The following KRT8 variants were observed in gnomAD, a reference collection of about 807,000 sequenced individuals.
KRT8 encodes the protein keratin, type II cytoskeletal 8.
A neutral mutation model predicts 43.0 loss-of-function variants in KRT8; 24 were observed. The observed-to-expected ratio is 0.56, with a 90% CI of 0.40 to 0.78. The LOEUF is 0.78. Among genes scored for constraint, KRT8 ranks in the 30% least tolerant of loss-of-function variants. The pLI is 0.00. For missense variants in KRT8, 492 were observed against 638.4 expected, an observed-to-expected ratio of 0.77 and a Z score of 2.47; for synonymous variants, 214 against 261.2, an observed-to-expected ratio of 0.82 and a Z score of 1.74.
chr12:52,907,012 A>ACACC (rs1555187345), upstream of KRT8: 73 of 259,380 alleles, frequency 2.8e-4, no homozygotes, highest in East Asian at 1.6e-3. Context: ...ACACACACAC[A>ACACC]CCCCACACAT....
chr12:52,910,871 G>C (rs1306815828), upstream of KRT8, among the ~76,000 whole-genome samples: 1 of 152,216 alleles, frequency 6.6e-6, no homozygotes, highest in Non-Finnish European at 1.5e-5. Flanking sequence ...ACTAAGGTGG[G>C]AGTTGGGGAC....
chr12:52,901,576 C>G (rs7312756), intron 2 of KRT8: 1 of 568,840 alleles, frequency 1.8e-6, no homozygotes. Flanking sequence ...GTGAGGCCCA[C>G]AGGCTGCCTA....
At chr12:52,901,873 A>G (rs1384080631) in exon 2 of KRT8, 1 of 1,609,420 alleles carries the variant, frequency 6.2e-7, no homozygotes, top group South Asian at 1.1e-5. Context: ...CTTGTTCTTG[A>G]AGTCCTCCAC....
intron 2 of KRT8, among the ~76,000 whole-genome samples, chr12:52,923,877 C>T (rs1047830447): frequency 3.3e-5 from 5 of 151,654 alleles, no homozygotes; most frequent in Non-Finnish European, 7.4e-5. Context: ...GACGGAGCCT[C>T]GCTCTCGCCC....
chr12:52,903,075 A>G (rs1941414973), intron 1 of KRT8, among the ~76,000 whole-genome samples: 1 of 152,132 alleles, frequency 6.6e-6, no homozygotes, highest in African/African-American at 2.4e-5. Context: ...TTAAGGGTAC[A>G]GCCTAGTTCC....
chr12:52,914,956 A>G (rs1941706345), intron 2 of KRT8, among the ~76,000 whole-genome samples: 1 of 152,170 alleles, frequency 6.6e-6, no homozygotes, highest in Non-Finnish European at 1.5e-5. Flanking sequence ...TCACATGCTC[A>G]TCTCTGAACC....
chr12:52,943,431 G>T (rs560917327), intron 2 of KRT8, among the ~76,000 whole-genome samples: 1 of 152,094 alleles, frequency 6.6e-6, no homozygotes, highest in South Asian at 2.1e-4. Flanking sequence ...TCTCTTCCTG[G>T]GAACTTAGAG....
At chr12:52,932,938 TTTTTTG>T (rs1942108284) in intron 2 of KRT8, among the ~76,000 whole-genome samples, 1 of 150,064 alleles carries the variant, frequency 6.7e-6, no homozygotes, top group Non-Finnish European at 1.5e-5. Context: ...TTTTTGTGTG[TTTTTTG>T]TTTTTGTTTT....
chr12:52,902,548 C>T (rs1224132750), intron 1 of KRT8, among the ~76,000 whole-genome samples: 5 of 152,016 alleles, frequency 3.3e-5, no homozygotes, highest in Admixed American at 3.3e-4. Flanking sequence ...CCACCACGCC[C>T]CACTAATTTT....
At chr12:52,918,185 A>AAGAAGAAGAAGAAGAAGAAGG (rs1565725582) in intron 2 of KRT8, among the ~76,000 whole-genome samples, 2 of 112,308 alleles carry the variant, frequency 1.8e-5, no homozygotes, top group African/African-American at 7.7e-5. Context: ...GAAGAGGAAG[A>AAGAAGAAGAAGAAGAAGAAGG]AGAAGAAGAA....
intron 2 of KRT8, among the ~76,000 whole-genome samples, chr12:52,943,614 C>T (rs1207162812): frequency 6.6e-6 from 1 of 152,234 alleles, no homozygotes; most frequent in Non-Finnish European, 1.5e-5. Flanking sequence ...CAGGTGGGCC[C>T]GTTGCACGTG....
At chr12:52,914,254 C>G (rs546856168) in intron 2 of KRT8, among the ~76,000 whole-genome samples, 4 of 148,520 alleles carry the variant, frequency 2.7e-5, no homozygotes, top group African/African-American at 1.0e-4. Flanking sequence ...AAAAAAAAAT[C>G]CACCGGGTGC....
At chr12:52,940,047 G>A (rs1268669144) in intron 2 of KRT8, among the ~76,000 whole-genome samples, 1 of 152,170 alleles carries the variant, frequency 6.6e-6, no homozygotes, top group East Asian at 1.9e-4. Flanking sequence ...ATATTATGCT[G>A]CCATTAAAAG....
intron 2 of KRT8, among the ~76,000 whole-genome samples, chr12:52,940,487 T>C (rs1942249536): frequency 2.6e-5 from 4 of 151,530 alleles, no homozygotes; most frequent in African/African-American, 9.7e-5. Context: ...CTACACACTT[T>C]ATAGTTTATT....
chr12:52,943,371 C>G (rs1942296136), intron 2 of KRT8, among the ~76,000 whole-genome samples: 1 of 152,000 alleles, frequency 6.6e-6, no homozygotes, highest in South Asian at 2.1e-4. Context: ...TGTGGGCCCC[C>G]CTTCCTTGAA....
chr12:52,928,850 G>A (rs1196067268), intron 2 of KRT8, among the ~76,000 whole-genome samples: 3 of 152,204 alleles, frequency 2.0e-5, no homozygotes, highest in Non-Finnish European at 2.9e-5. Context: ...AGGTTGCAGT[G>A]AGACAAGATC....
intron 2 of KRT8, among the ~76,000 whole-genome samples, chr12:52,924,333 C>T (rs548425547): frequency 6.6e-6 from 1 of 151,894 alleles, no homozygotes; most frequent in South Asian, 2.1e-4. Flanking sequence ...TCTGTAGTCC[C>T]AGCTACTAGG....
chr12:52,902,533 G>A (rs1474292151), intron 1 of KRT8, among the ~76,000 whole-genome samples: 1 of 152,068 alleles, frequency 6.6e-6, no homozygotes, highest in Non-Finnish European at 1.5e-5. Flanking sequence ...ACAGGCACCT[G>A]CCTGCCACCA....
chr12:52,915,279 AG>A (rs1274909694), intron 2 of KRT8, among the ~76,000 whole-genome samples: 1 of 151,864 alleles, frequency 6.6e-6, no homozygotes, highest in African/African-American at 2.4e-5. Context: ...AGGCTGAGGC[AG>A]GAGAATGGCG....
Sources: gnomAD v4.1 joint callset for allele counts (sites outside exome capture counted in the v4.1 genomes callset) on GRCh38, gnomAD v4.1.1 for gene constraint, MANE v1.5 for transcripts, NCBI Gene and HGNC (gene_info 2026-07-23, HGNC 2026-07-21) for gene names.